PLEKHS1: variants seen among roughly 807,000 people sequenced by gnomAD.
PLEKHS1 encodes pleckstrin homology domain-containing family S member 1.
Under a neutral mutation model 51.0 loss-of-function variants are expected in PLEKHS1, and 55 were observed. The ratio of observed to expected loss-of-function variants is 1.08; its 90% CI spans 0.87 to 1.35. The LOEUF (loss-of-function observed/expected upper bound fraction) is 1.35. Ranked by LOEUF, PLEKHS1 falls within the 40% of genes most tolerant of loss-of-function variation. The probability of loss-of-function intolerance (pLI) is 0.00; values close to 1 mark genes in which losing one functional copy is unlikely to be tolerated. For synonymous variants in PLEKHS1, 153 were observed against 144.8 expected (o/e 1.06, Z -0.41); for missense variants, 398 against 423.0 (o/e 0.94, Z 0.52).
intron 8 of PLEKHS1, among the ~76,000 whole-genome samples, chr10:113,772,296 T>C (rs1371961718): frequency 6.6e-6 from 1 of 152,114 alleles, no homozygotes; most frequent in Non-Finnish European, 1.5e-5. Flanking sequence ...GAGATGCTTA[T>C]AAAATACCAG....
rs1003926425 is a variant in PLEKHS1 at position 113,777,882 on chromosome 10, C to T, written c.1091+2016C>T. On this transcript the variant is annotated intron_variant, in intron 11 of 11. Coordinates refer to ENST00000361048, the Ensembl canonical transcript of PLEKHS1. ...GCTTACACCTGTAATCCCAGCACTT[C>T]GGAAGGCCAAGGCAGGAGAATCAAT... is the stretch of plus-strand genomic sequence containing the variant. 13 of 907,078 alleles carry T rather than the reference C, an allele frequency of 1.4e-5. No homozygotes were observed. The East Asian group carries it at 2.1e-4, about 15-fold the overall frequency. The allele number at this position is 907,078 out of a possible 1,614,324, so 56.2% of individuals were successfully genotyped here. A position where few individuals can be genotyped will look rare whatever the true frequency, so the allele number is the denominator to read the frequency against.
At chr10:113,775,831 C>T (rs376450280) in exon 11 of PLEKHS1, 22 of 1,612,886 alleles carry the variant, frequency 1.4e-5, no homozygotes, top group Admixed American at 1.7e-5. Context: ...ATGTCATCAA[C>T]TATCTTGCTC....
intron 2 of PLEKHS1, among the ~76,000 whole-genome samples, chr10:113,762,981 C>T (rs1309620959): frequency 6.6e-6 from 1 of 152,060 alleles, no homozygotes; most frequent in Non-Finnish European, 1.5e-5. Flanking sequence ...ATTAAAAATG[C>T]ATCCAAAATT....
chr10:113,780,683 A>C lies in PLEKHS1; in HGVS notation c.*81A>C, dbSNP rs1844837286. 4.3e-6 allele frequency: 7 copies of C among 1,613,530 alleles called. No homozygotes were observed. Among genetic ancestry groups the C allele is most frequent in the Admixed American group, 1.7e-5 (1 of 60,006 alleles). ...CTGTATGTGTCCCTCAAAATGCCAA[A>C]GTGCTGCACCTTCTCAGCTGGATAA... On this transcript the variant is annotated 3_prime_UTR_variant, in exon 12 of 12. Transcript: ENST00000361048.
chr10:113,762,980 G>T (rs914593012), intron 2 of PLEKHS1, among the ~76,000 whole-genome samples: 2 of 152,010 alleles, frequency 1.3e-5, no homozygotes, highest in African/African-American at 4.8e-5. Flanking sequence ...CATTAAAAAT[G>T]CATCCAAAAT....
At chr10:113,755,216 G>A (rs1193919656) in intron 1 of PLEKHS1, 43 bp from the exon 2 acceptor site, 23 of 1,563,420 alleles carry the variant, frequency 1.5e-5, no homozygotes, top group East Asian at 4.7e-5. Flanking sequence ...TGAAACACAC[G>A]TAGTGTTGTT....
chr10:113,780,926 CTCTCTGGTT>C, exon 12 of PLEKHS1: 3 of 728,210 alleles, frequency 4.1e-6, no homozygotes, highest in Non-Finnish European at 6.6e-6. Flanking sequence ...TGACTATCCC[CTCTCTGGTT>C]ATTGTATCAG....
chr10:113,773,990 C>T (rs926406845), intron 8 of PLEKHS1, among the ~76,000 whole-genome samples: 4 of 152,222 alleles, frequency 2.6e-5, no homozygotes, highest in Admixed American at 6.5e-5. Flanking sequence ...AGAAATAACA[C>T]TTGTATCCGG....
In PLEKHS1 at chr10:113,767,484, G is replaced by A. The variant is rs747007730; in HGVS notation, c.359+5G>A. The A allele has an allele frequency of 1.2e-5, 19 of 1,601,198 alleles. No individual in the cohort carries two copies. The highest frequency in any genetic ancestry group is 1.6e-5 in the Non-Finnish European group (19 of 1,175,768). Reference sequence around the variant, plus strand: ...CTTCCTCATTGGCCACGACAGGTGAGAGAAGTAAGATAACACAGAATATCT... The same window carrying A: ...CTTCCTCATTGGCCACGACAGGTGAAAGAAGTAAGATAACACAGAATATCT... On this transcript the variant is annotated splice_donor_5th_base_variant and intron_variant, in intron 5 of 11. Transcript: ENST00000361048.
At chr10:113,752,002 CA>C (rs1477961358) in intron 1 of PLEKHS1, among the ~76,000 whole-genome samples, 3 of 152,232 alleles carry the variant, frequency 2.0e-5, no homozygotes, top group East Asian at 3.9e-4. Context: ...ATGGGTCAGG[CA>C]GTGACTGTGG....
At chr10:113,777,670 G>T (rs1844737901) in intron 11 of PLEKHS1, 9 of 1,524,578 alleles carry the variant, frequency 5.9e-6, no homozygotes, top group Middle Eastern at 1.7e-4. Context: ...TTACAAAGGT[G>T]ACTGGCACAT....
chr10:113,761,199 T>C (rs1051010291), intron 2 of PLEKHS1, among the ~76,000 whole-genome samples: 5 of 152,170 alleles, frequency 3.3e-5, no homozygotes, highest in Non-Finnish European at 5.9e-5. Flanking sequence ...TTGTAGTAAG[T>C]TTTGAAATTG....
intron 6 of PLEKHS1, among the ~76,000 whole-genome samples, chr10:113,769,428 T>C (rs142311660): frequency 6.6e-4 from 100 of 152,344 alleles, no homozygotes; most frequent in African/African-American, 2.4e-3. Context: ...GGTTGTTCCA[T>C]GCTTACAGCA....
chr10:113,769,970 T>C, intron 7 of PLEKHS1, 70 bp downstream of exon 7: 1 of 1,113,412 alleles, frequency 9.0e-7, no homozygotes, highest in Non-Finnish European at 1.4e-6. Flanking sequence ...ATCTTACCAA[T>C]TAGCAATTGA....
intron 7 of PLEKHS1, among the ~76,000 whole-genome samples, 195 bp downstream of exon 7, chr10:113,770,095 T>C (rs888395035): frequency 3.3e-5 from 5 of 152,256 alleles, no homozygotes; most frequent in Non-Finnish European, 7.3e-5. Context: ...TGAATACCTC[T>C]CAGTGTATTC....
intron 11 of PLEKHS1, 95 bp downstream of exon 12, chr10:113,777,354 A>C: frequency 6.2e-7 from 1 of 1,608,360 alleles, no homozygotes; most frequent in Non-Finnish European, 8.5e-7. Context: ...CCCTGAATAC[A>C]AATAAGGTTC....
intron 2 of PLEKHS1, among the ~76,000 whole-genome samples, chr10:113,760,877 A>G (rs976870065): frequency 2.6e-5 from 4 of 152,174 alleles, no homozygotes; most frequent in African/African-American, 9.7e-5. Flanking sequence ...CTAAGAATAC[A>G]TTGTCAAATC....
At chr10:113,763,551 C>T (rs564506793) in intron 2 of PLEKHS1, among the ~76,000 whole-genome samples, 18 of 152,134 alleles carry the variant, frequency 1.2e-4, no homozygotes, top group Non-Finnish European at 2.1e-4. Context: ...TTGGAATAAT[C>T]GAATTTTTTA....
In PLEKHS1 at chr10:113,774,197, G is replaced by A. The variant is rs73361855; in HGVS notation, c.673-30G>A. ...GGTACCTGACTTATCGGTAAACTGG[G>A]ATTCTTACATCTATTCCTTTTATCT... On this transcript the variant is annotated intron_variant, in intron 8 of 11. Transcript: ENST00000361048. The A allele has an allele frequency of 4.0e-3, 5,408 of 1,367,452 alleles. 171 individuals carry two copies. The African/African-American group carries it at 0.068, about 17-fold the overall frequency. 84.7% of individuals were successfully genotyped at this position (1,367,452 alleles called of 1,614,324 possible).
Sources: allele counts gnomAD v4.1 joint callset (sites outside exome capture counted in the v4.1 genomes callset), GRCh38; gene constraint gnomAD v4.1.1; transcripts MANE v1.5; gene names NCBI Gene and HGNC (gene_info 2026-07-23, HGNC 2026-07-21).